Variants in ZNF485 observed in about 807,000 individuals in gnomAD.
ZNF485 encodes the protein zinc finger protein 485, also known as Zinc finger protein 93 (Zinc finger protein HTF34).
A neutral mutation model predicts 10.8 loss-of-function variants in ZNF485; 9 were observed. The observed-to-expected ratio is 0.83, with a 90% CI of 0.50 to 1.45. ZNF485 has a LOEUF of 1.45. Ranked by LOEUF, ZNF485 falls within the 40% of genes most tolerant of loss-of-function variation. ZNF485 has a pLI of 0.00. For missense variants in ZNF485, 487 were observed against 528.0 expected (o/e 0.92, Z 0.76); for synonymous variants, 187 against 181.0 (o/e 1.03, Z -0.27).
In ZNF485 at chr10:43,616,650, A is replaced by C. The variant is rs1334795397; in HGVS notation, c.607A>C (p.Asn203His). Reference protein sequence around the residue: ...KFLKKHSTFINHQRIHSREKP... With the variant: ...KFLKKHSTFIHHQRIHSREKP... ...CCTGAAGAAGCACTCAACGTTTATC[A>C]ACCATCAGAGAATTCATTCTAGGGA... The change falls in exon 5 of 5, where the codon AAC (asparagine) becomes CAC (histidine). Residue 203 changes from asparagine (N) to histidine (H), a missense_variant. Asn to His is a moderately conservative substitution (Grantham distance 68, BLOSUM62 1). Transcript: ENST00000361807. The C allele has an allele frequency of 6.2e-7, 1 of 1,614,230 alleles. No individual in the cohort carries two copies. Among genetic ancestry groups the C allele is most frequent in the Admixed American group, 1.7e-5 (1 of 60,032 alleles).
intron 4 of ZNF485, among the ~76,000 whole-genome samples, chr10:43,613,438 G>A (rs1003526884): frequency 2.0e-5 from 3 of 152,174 alleles, no homozygotes; most frequent in South Asian, 2.1e-4. Flanking sequence ...AAACTGTAGC[G>A]TGCCTCAGAA....
At chr10:43,610,149 C>T (rs542469638) in intron 4 of ZNF485, among the ~76,000 whole-genome samples, 1 of 152,142 alleles carries the variant, frequency 6.6e-6, no homozygotes, top group Non-Finnish European at 1.5e-5. Context: ...CATTTTCTTT[C>T]CTTTTCTTAG....
intron 4 of ZNF485, among the ~76,000 whole-genome samples, chr10:43,613,294 T>C (rs1838800121): frequency 6.6e-6 from 1 of 152,272 alleles, no homozygotes; most frequent in Admixed American, 6.5e-5. Flanking sequence ...ACTAACACTA[T>C]AGTTTATTTT....
In ZNF485 at chr10:43,607,272, G is replaced by A. The variant is rs138243927; in HGVS notation, c.24+198G>A. The A allele has an allele frequency of 6.4e-5, 42 of 659,408 alleles. No homozygotes were observed. In the African/African-American group the frequency reaches 7.4e-4, roughly 12 times the overall value. The allele number at this position is 659,408 out of a possible 1,614,324, so 40.8% of individuals were successfully genotyped here. A position where few individuals can be genotyped will look rare whatever the true frequency, so the allele number is the denominator to read the frequency against. On this transcript the variant is annotated intron_variant, in intron 2 of 4. Coordinates refer to ENST00000361807, the MANE Select transcript of ZNF485 (RefSeq NM_145312.4). ...AGATTATTGCTACCCATGTTTTCTA[G>A]AGTGCTAGAAACAGAAAAGTGCTTT...
Position 43,617,106 on chromosome 10 carries a change from C to T in ZNF485, c.1063C>T (p.Gln355Ter). The T allele has an allele frequency of 6.2e-7, 1 of 1,614,124 alleles. No individual in the cohort carries two copies. Among genetic ancestry groups the T allele is most frequent in the Non-Finnish European group, 8.5e-7 (1 of 1,179,998 alleles). Residue 355 changes from glutamine to a stop codon, truncating the protein, a stop_gained, in exon 5 of 5, where the codon CAG (glutamine) becomes TAG (stop). Transcript: ENST00000361807. LOFTEE classifies it low-confidence loss of function (END_TRUNC). Reference protein sequence around the residue: ...QKTHSGNKPYQCRDCGKAFTK... With the variant: ...QKTHSGNKPY ...AACTCACAGTGGAAATAAACCGTATCAGTGTCGTGACTGTGGGAAGGCCTT... is the reference window on the plus strand; with the variant it reads ...AACTCACAGTGGAAATAAACCGTATTAGTGTCGTGACTGTGGGAAGGCCTT...
At chr10:43,607,203 G>A (rs1007534656) in intron 2 of ZNF485, 129 bp downstream of exon 2, 1 of 1,072,780 alleles carries the variant, frequency 9.3e-7, no homozygotes, top group Admixed American at 2.0e-5. Flanking sequence ...GATGGGTCCC[G>A]CGATTTCCGT....
At chr10:43,608,880 C>G in intron 3 of ZNF485, 140 bp downstream of exon 3, 1 of 1,218,360 alleles carries the variant, frequency 8.2e-7, no homozygotes, top group Non-Finnish European at 1.1e-6. Context: ...GGCTTAGAGG[C>G]TGGAGTTTAT....
intron 4 of ZNF485, among the ~76,000 whole-genome samples, chr10:43,610,350 G>T (rs1409401166): frequency 6.6e-6 from 1 of 151,966 alleles, no homozygotes; most frequent in Non-Finnish European, 1.5e-5. Flanking sequence ...AACTCTAATT[G>T]TCATTTTGCC....
chr10:43,617,328 A>G lies in ZNF485; in HGVS notation c.1285A>G (p.Lys429Glu), dbSNP rs1222247439. 1 of 1,570,590 alleles carries G rather than the reference A, an allele frequency of 6.4e-7. No homozygotes were observed. Among genetic ancestry groups the G allele is most frequent in the Non-Finnish European group, 8.6e-7 (1 of 1,163,620 alleles). The change falls in exon 5 of 5, where the codon AAG (lysine) becomes GAG (glutamate). Residue 429 changes from lysine to glutamate, a missense_variant. Coordinates refer to ENST00000361807, the MANE Select transcript of ZNF485 (RefSeq NM_145312.4). ...CCGAAGTTCAGCCCTTAAGCAACATAAGAAAATTCATAATAAAGAAAGAGC... is the reference window on the plus strand; with the variant it reads ...CCGAAGTTCAGCCCTTAAGCAACATGAGAAAATTCATAATAAAGAAAGAGC... ...FPRSSALKQH[K>E]KIHNKERAMK...
At chr10:43,606,648 G>T in intron 1 of ZNF485, 102 bp downstream of exon 1, 1 of 315,516 alleles carries the variant, frequency 3.2e-6, no homozygotes, top group Non-Finnish European at 5.8e-6. Flanking sequence ...AGCCGGGGTG[G>T]GAGGGGAAGG....
Position 43,615,916 on chromosome 10 carries a change from G to T in ZNF485, c.248-375G>T, listed in dbSNP as rs1476780215. On this transcript the variant is annotated intron_variant, in intron 4 of 4. Coordinates refer to ENST00000361807, the MANE Select transcript of ZNF485 (RefSeq NM_145312.4). ...TCAAATATACCACCTGCAGAAATCT[G>T]CCCTAGTAGTAATTATAGCTTGCTT... Among the ~76,000 whole-genome samples the T allele has an allele frequency of 5.9e-5, 9 of 152,102 alleles. 1 individual carries two copies. The highest frequency in any genetic ancestry group is 1.2e-4 in the Non-Finnish European group (8 of 68,026).
intron 3 of ZNF485, among the ~76,000 whole-genome samples, chr10:43,608,975 T>C (rs780797908): frequency 7.9e-5 from 12 of 152,158 alleles, no homozygotes; most frequent in East Asian, 1.9e-4. Flanking sequence ...AGTTCTGGAA[T>C]GTTTCTGTGT....
Position 43,606,994 on chromosome 10 carries a change from C to T in ZNF485, c.-54-3C>T, listed in dbSNP as rs1838660974. On this transcript the variant is annotated splice_region_variant and splice_polypyrimidine_tract_variant and intron_variant, in intron 1 of 4. Transcript: ENST00000361807. ...TTCCTCAATTTCCTCTCTTCTTTCC[C>T]AGATTGACTTACGCAGGATTCTCAG... is the stretch of plus-strand genomic sequence containing the variant. 1 of 1,549,984 alleles carries T rather than the reference C, an allele frequency of 6.5e-7. No homozygotes were observed. Among genetic ancestry groups the T allele is most frequent in the Non-Finnish European group, 8.7e-7 (1 of 1,145,428 alleles).
chr10:43,617,405 AC>A lies in ZNF485; in HGVS notation c.*38del. 1.4e-6 allele frequency: 2 copies of A among 1,406,188 alleles called. No individual in the cohort carries two copies. The highest frequency in any genetic ancestry group is 1.9e-6 in the Non-Finnish European group (2 of 1,037,898). 87.1% of individuals were successfully genotyped at this position (1,406,188 alleles called of 1,614,324 possible). On this transcript the variant is annotated 3_prime_UTR_variant, in exon 5 of 5. Coordinates refer to ENST00000361807, the MANE Select transcript of ZNF485 (RefSeq NM_145312.4). The stretch of plus-strand genomic sequence containing the variant: ...TGTGCAGAGTAGTTTATTCCTTCTG[AC>A]CATCATAGAGGAGACATTAAATAAA...
intron 4 of ZNF485, 146 bp downstream of exon 4, chr10:43,609,496 G>A: frequency 6.5e-6 from 4 of 612,206 alleles, no homozygotes; most frequent in Non-Finnish European, 1.1e-5. Flanking sequence ...CAAGTGGCTG[G>A]CCGCTTTTCT....
chr10:43,607,764 T>C (rs1235591288), intron 2 of ZNF485, among the ~76,000 whole-genome samples: 1 of 150,992 alleles, frequency 6.6e-6, no homozygotes, highest in East Asian at 2.2e-4. Flanking sequence ...ACACTTTTCA[T>C]TTTTTTAAGG....
intron 4 of ZNF485, among the ~76,000 whole-genome samples, chr10:43,613,651 G>A (rs1838805125): frequency 6.6e-6 from 1 of 152,232 alleles, no homozygotes; most frequent in Non-Finnish European, 1.5e-5. Context: ...GCTATTGCAA[G>A]TGCTGTAAAC....
chr10:43,613,464 A>G (rs956197913), intron 4 of ZNF485, among the ~76,000 whole-genome samples: 2 of 152,216 alleles, frequency 1.3e-5, no homozygotes, highest in Non-Finnish European at 2.9e-5. Flanking sequence ...GCTGCAGTAC[A>G]GTTGCGGGGC....
chr10:43,613,273 C>T (rs1320989893), intron 4 of ZNF485, among the ~76,000 whole-genome samples: 1 of 152,250 alleles, frequency 6.6e-6, no homozygotes, highest in Non-Finnish European at 1.5e-5. Flanking sequence ...TGTCCATTCT[C>T]CTCCCCTTGA....
Sources: allele counts gnomAD v4.1 joint callset (sites outside exome capture counted in the v4.1 genomes callset), GRCh38; gene constraint gnomAD v4.1.1; transcripts MANE v1.5; gene names NCBI Gene and HGNC (gene_info 2026-07-23, HGNC 2026-07-21).